Variants in MYEF2 observed in about 807,000 individuals in gnomAD.
The protein encoded by MYEF2 is myelin expression factor 2, also known as myelin gene expression factor 2.
In MYEF2, 37 loss-of-function variants were observed where a neutral mutation model predicts 75.2. The observed-to-expected ratio is 0.49, with a 90% confidence interval of 0.38 to 0.65. The LOEUF (loss-of-function observed/expected upper bound fraction) is 0.65, where lower values mean the gene tolerates loss of function less well. MYEF2 is among the 30% of genes least tolerant of loss of function. The pLI is 0.00. For missense variants in MYEF2, 634 were observed against 771.4 expected (o/e 0.82, Z 2.11); for synonymous variants, 195 against 241.6 (o/e 0.81, Z 1.79).
Position 48,142,842 on chromosome 15 carries a change from A to G in MYEF2, c.*66T>C. 3 of 1,459,758 alleles carry G rather than the reference A, an allele frequency of 2.1e-6. No homozygotes were observed. The highest frequency in any genetic ancestry group is 2.8e-6 in the Non-Finnish European group (3 of 1,087,358). 90.4% of individuals were successfully genotyped at this position (1,459,758 alleles called of 1,614,324 possible). A position where few individuals can be genotyped will look rare whatever the true frequency, so the allele number is the denominator to read the frequency against. On this transcript the variant is annotated 3_prime_UTR_variant, in exon 17 of 17. Transcript: ENST00000324324. ...TTTGTAAGCATACAATATTACTTTA[A>G]AAAAATGACTTTTACTAGGAGATTC... is the stretch of plus-strand genomic sequence containing the variant.
chr15:48,136,910 C>G lies in MYEF2; in HGVS notation c.*5998G>C. On this transcript the variant is annotated 3_prime_UTR_variant, in exon 17 of 17. Transcript: ENST00000324324. ...GATAGTGGAATATTTTATGAAGATT[C>G]TGGCTACTCTCAGCTCTCTATAAGT... is the stretch of plus-strand genomic sequence containing the variant. 6.2e-7 allele frequency: 1 copy of G among 1,613,794 alleles called. No homozygotes were observed. The highest frequency in any genetic ancestry group is 8.5e-7 in the Non-Finnish European group (1 of 1,179,756).
At position 48,142,002 on chromosome 15, in the gene MYEF2, T is replaced by C. The variant is rs1025850314; in HGVS notation, c.*906A>G. The stretch of plus-strand genomic sequence containing the variant: ...ATAAAACACAGTATTGGTAAGCACA[T>C]TTTAACAGTATGCTTTTCTTTTGTA... On this transcript the variant is annotated 3_prime_UTR_variant, in exon 17 of 17. Coordinates refer to ENST00000324324, the MANE Select transcript of MYEF2 (RefSeq NM_016132.5). 3 of 1,530,306 alleles carry C rather than the reference T, an allele frequency of 2.0e-6. No individual in the cohort carries two copies. In the East Asian group the frequency reaches 6.8e-5, roughly 35 times the overall value. The allele number at this position is 1,530,306 out of a possible 1,614,324, so 94.8% of individuals were successfully genotyped here.
In MYEF2 at chr15:48,135,035, T is replaced by G. The variant is rs771857903; in HGVS notation, c.*7873A>C. The G allele has an allele frequency of 2.8e-6, 4 of 1,431,106 alleles. No homozygotes were observed. The highest frequency in any genetic ancestry group is 4.6e-5 in the East Asian group (2 of 43,226). 88.7% of individuals were successfully genotyped at this position (1,431,106 alleles called of 1,614,324 possible). A position where few individuals can be genotyped will look rare whatever the true frequency, so the allele number is the denominator to read the frequency against. On this transcript the variant is annotated 3_prime_UTR_variant, in exon 17 of 17. Transcript: ENST00000324324. ...AAAAATTAGAGATTTTATGAATTTCTGATGGTTCAGTAATTTTTTTTCAGA... is the reference window on the plus strand; with the variant it reads ...AAAAATTAGAGATTTTATGAATTTCGGATGGTTCAGTAATTTTTTTTCAGA...
In MYEF2 at chr15:48,167,307, G is replaced by A. The variant is rs199661968; in HGVS notation, c.423+42C>T. Reference sequence around the variant, plus strand: ...ATTATACAAAAAGTAAACTGCTGAGGAACTTTTAAACCTCAAGCAGATTAT... The same window carrying A: ...ATTATACAAAAAGTAAACTGCTGAGAAACTTTTAAACCTCAAGCAGATTAT... On this transcript the variant is annotated intron_variant, in intron 3 of 16. Transcript: ENST00000324324. 75 of 1,595,586 alleles carry A rather than the reference G, an allele frequency of 4.7e-5. No homozygotes were observed. In the Admixed American group the frequency reaches 9.6e-4, roughly 20 times the overall value.
intron 14 of MYEF2, 50 bp downstream of exon 14, chr15:48,151,050 T>C: frequency 7.5e-7 from 1 of 1,330,776 alleles, no homozygotes; most frequent in Non-Finnish European, 1.1e-6. Flanking sequence ...GCAAAGTCTT[T>C]GCAAGCACTC....
At chr15:48,159,502 A>T in intron 6 of MYEF2, 111 bp downstream of exon 6, 1 of 876,382 alleles carries the variant, frequency 1.1e-6, no homozygotes, top group African/African-American at 1.7e-5. Flanking sequence ...TTACTATTTC[A>T]CTTACTTTAG....
chr15:48,174,609 CAAT>C (rs1453743745), intron 1 of MYEF2, among the ~76,000 whole-genome samples: 3 of 151,814 alleles, frequency 2.0e-5, no homozygotes, highest in Non-Finnish European at 2.9e-5. Flanking sequence ...AATAGCAACC[CAAT>C]TTAAAAAATG....
intron 1 of MYEF2, among the ~76,000 whole-genome samples, chr15:48,176,326 C>T (rs1254913333): frequency 1.3e-5 from 2 of 151,544 alleles, no homozygotes; most frequent in Non-Finnish European, 2.9e-5. Flanking sequence ...TAAGAGAAAT[C>T]CCTGAGAGTA....
chr15:48,163,855 T>G (rs1202860325), intron 5 of MYEF2, among the ~76,000 whole-genome samples: 1 of 152,138 alleles, frequency 6.6e-6, no homozygotes, highest in Non-Finnish European at 1.5e-5. Flanking sequence ...TTAAGGATAG[T>G]TTGCTGAATA....
chr15:48,163,163 CA>C (rs1366053495), intron 5 of MYEF2, among the ~76,000 whole-genome samples: 1 of 152,160 alleles, frequency 6.6e-6, no homozygotes, highest in African/African-American at 2.4e-5. Context: ...GTTTCAAAAA[CA>C]GGTAAAAACA....
intron 1 of MYEF2, among the ~76,000 whole-genome samples, chr15:48,174,822 T>A (rs1035540614): frequency 1.3e-5 from 2 of 152,060 alleles, no homozygotes; most frequent in African/African-American, 4.8e-5. Context: ...GAAAGAACCT[T>A]TAGATACTGC....
At position 48,141,866 on chromosome 15, in the gene MYEF2, A is replaced by T. The variant is rs2039102016; in HGVS notation, c.*1042T>A. The T allele has an allele frequency of 4.2e-6, 2 of 474,520 alleles. No individual in the cohort carries two copies. Among genetic ancestry groups the T allele is most frequent in the Non-Finnish European group, 7.3e-6 (2 of 273,340 alleles). The allele number at this position is 474,520 out of a possible 1,614,324, so 29.4% of individuals were successfully genotyped here. A position where few individuals can be genotyped will look rare whatever the true frequency, so the allele number is the denominator to read the frequency against. On this transcript the variant is annotated 3_prime_UTR_variant, in exon 17 of 17. Transcript: ENST00000324324. ...TGTTAAGACTTTAAATACTAACCCAAGAAAAATTTAAAAATACAAATTCAG... is the reference window on the plus strand; with the variant it reads ...TGTTAAGACTTTAAATACTAACCCATGAAAAATTTAAAAATACAAATTCAG...
intron 5 of MYEF2, among the ~76,000 whole-genome samples, chr15:48,163,701 T>C (rs2040034352): frequency 6.6e-6 from 1 of 152,194 alleles, no homozygotes; most frequent in South Asian, 2.1e-4. Context: ...TATTAGGGGC[T>C]AATGCAACTG....
In MYEF2 at chr15:48,178,154, C is replaced by T. The variant is rs1490519331; in HGVS notation, c.84G>A (p.Glu28=). Residue 28 remains glutamate, a synonymous_variant, in exon 1 of 17, where the codon GAG becomes GAA. Transcript: ENST00000324324. ...PHLQPAEPPG[E]PRREPHPAEA... is the part of the protein sequence containing the mutation. ...CCGCGGGGTGCGGCTCTCGCCGCGG[C>T]TCGCCCGGCGGCTCTGCGGGCTGCA... 2 of 1,564,864 alleles carry T rather than the reference C, an allele frequency of 1.3e-6. No individual in the cohort carries two copies. The highest frequency in any genetic ancestry group is 1.7e-6 in the Non-Finnish European group (2 of 1,156,344).
At chr15:48,152,324 AT>A in intron 10 of MYEF2, 40 bp from the exon 11 acceptor site, 1 of 1,521,408 alleles carries the variant, frequency 6.6e-7, no homozygotes, top group Non-Finnish European at 9.0e-7. Context: ...AGTATATTTT[AT>A]TTTTATGACT....
intron 5 of MYEF2, among the ~76,000 whole-genome samples, chr15:48,165,259 TATTAAG>T (rs1321528262): frequency 1.3e-5 from 2 of 152,148 alleles, no homozygotes; most frequent in Non-Finnish European, 1.5e-5. Flanking sequence ...GTAATCAAAC[TATTAAG>T]ATTAACAATA....
chr15:48,145,898 A>T (rs918909035), intron 16 of MYEF2, among the ~76,000 whole-genome samples: 4 of 151,922 alleles, frequency 2.6e-5, no homozygotes, highest in African/African-American at 9.7e-5. Context: ...TTTACTGTTA[A>T]GTTATTCTAA....
chr15:48,152,342 T>C, intron 10 of MYEF2, 58 bp from the exon 11 acceptor site: 1 of 1,425,634 alleles, frequency 7.0e-7, no homozygotes, highest in Non-Finnish European at 9.8e-7. Context: ...GACTAAAAGA[T>C]GATATAATGC....
intron 16 of MYEF2, among the ~76,000 whole-genome samples, chr15:48,144,525 G>A (rs1295933817): frequency 6.6e-6 from 1 of 151,822 alleles, no homozygotes; most frequent in East Asian, 1.9e-4. Context: ...TATAAAATAG[G>A]CTAATCTCCA....
Sources: gnomAD v4.1 joint callset for allele counts (sites outside exome capture counted in the v4.1 genomes callset) on GRCh38, gnomAD v4.1.1 for gene constraint, MANE v1.5 for transcripts, NCBI Gene and HGNC (gene_info 2026-07-23, HGNC 2026-07-21) for gene names.